Variants in PREPL observed in about 807,000 individuals in gnomAD.
PREPL encodes the protein prolyl endopeptidase like.
Under a neutral mutation model 70.6 loss-of-function variants are expected in PREPL, and 77 were observed. The observed-to-expected ratio is 1.09, with a 90% CI of 0.91 to 1.32. PREPL has a LOEUF of 1.32. PREPL is among the 40% of genes most tolerant of loss of function. The probability of loss-of-function intolerance (pLI) is 0.00; values close to 1 mark genes in which losing one functional copy is unlikely to be tolerated. For missense variants in PREPL, 1,002 were observed against 778.2 expected, an observed-to-expected ratio of 1.29 and a Z score of -3.42; for synonymous variants, 315 against 264.8, an observed-to-expected ratio of 1.19 and a Z score of -1.84.
intron 1 of PREPL, chr2:44,359,764 A>G: frequency 1.5e-6 from 2 of 1,325,370 alleles, no homozygotes; most frequent in Non-Finnish European, 1.1e-6. Context: ...CCAGCACACG[A>G]ATGATTTTAT....
At position 44,342,524 on chromosome 2, in the gene PREPL, A is replaced by G. The variant is rs764522603; in HGVS notation, c.378T>C (p.Asp126=). Residue 126 remains aspartate, a synonymous_variant, in exon 5 of 14, where the codon GAT becomes GAC. Transcript: ENST00000409411. ...TCCTCTGGAAGGTGTAGAATAAAACATCTTCATCTTCCTCGTCCTTTACCC... is the reference window on the plus strand; with the variant it reads ...TCCTCTGGAAGGTGTAGAATAAAACGTCTTCATCTTCCTCGTCCTTTACCC... ...FEWVKDEEDE[D]VLFYTFQRNL... 6.2e-7 allele frequency: 1 copy of G among 1,611,040 alleles called. No homozygotes were observed. The highest frequency in any genetic ancestry group is 1.1e-5 in the South Asian group (1 of 90,876).
At chr2:44,359,757 G>A in intron 1 of PREPL, 2 of 1,363,804 alleles carry the variant, frequency 1.5e-6, no homozygotes, top group South Asian at 1.2e-5. Flanking sequence ...GGGGCTGCCA[G>A]CACACGAATG....
intron 2 of PREPL, 78 bp from the exon 3 acceptor site, chr2:44,344,664 G>T: frequency 9.2e-7 from 1 of 1,090,792 alleles, no homozygotes; most frequent in Non-Finnish European, 1.3e-6. Context: ...AGATGAAGAT[G>T]AAATGAAGAC....
rs889171714 is a variant in PREPL, at chr2:44,317,906, C to G, written c.*3450G>C. The G allele has an allele frequency of 8.6e-6, 2 of 233,890 alleles. No individual in the cohort carries two copies. Among genetic ancestry groups the G allele is most frequent in the African/African-American group, 4.8e-5 (2 of 42,028 alleles). The allele number at this position is 233,890 out of a possible 1,614,324, so 14.5% of individuals were successfully genotyped here. On this transcript the variant is annotated 3_prime_UTR_variant, in exon 14 of 14. Coordinates refer to ENST00000409411, the MANE Select transcript of PREPL (RefSeq NM_001171613.2). The stretch of plus-strand genomic sequence containing the variant: ...AAACCACTCAGATAACAAAAACAGA[C>G]ATAAGAAACACTAACATAAAACACA...
intron 1 of PREPL, among the ~76,000 whole-genome samples, chr2:44,358,584 T>C (rs58890709): frequency 0.012 from 1,901 of 152,230 alleles, 37 homozygotes; most frequent in African/African-American, 0.044. Flanking sequence ...TTTACCATTC[T>C]AACCAGGACA....
intron 3 of PREPL, among the ~76,000 whole-genome samples, chr2:44,344,171 C>T (rs1333577407): frequency 6.6e-6 from 1 of 152,114 alleles, no homozygotes; most frequent in Non-Finnish European, 1.5e-5. Flanking sequence ...ACCTATGAGA[C>T]ATTATTTGAT....
intron 4 of PREPL, among the ~76,000 whole-genome samples, chr2:44,342,937 C>T (rs557248376): frequency 1.3e-5 from 2 of 152,092 alleles, no homozygotes; most frequent in Non-Finnish European, 2.9e-5. Context: ...ATGTGTAAAC[C>T]TTCTCTGTCT....
chr2:44,332,725 G>C (rs1196357269), intron 7 of PREPL, 69 bp from the exon 8 acceptor site: 25 of 1,275,432 alleles, frequency 2.0e-5, no homozygotes, highest in Non-Finnish European at 2.6e-5. Context: ...AAATTTCTAA[G>C]TCTTCTCCAA....
upstream of PREPL, chr2:44,361,673 GT>G (rs1677835653): frequency 3.6e-6 from 1 of 280,062 alleles, no homozygotes. Flanking sequence ...AAGACTTTTC[GT>G]TCTTCGCTAG....
chr2:44,328,948 G>C lies in PREPL; in HGVS notation c.1251C>G (p.Tyr417Ter). Residue 417 changes from tyrosine (Y) to a stop codon, truncating the protein, a stop_gained, in exon 9 of 14, where the codon TAC (tyrosine) becomes TAG (stop). Coordinates refer to ENST00000409411, the MANE Select transcript of PREPL (RefSeq NM_001171613.2). LOFTEE classifies it high-confidence loss of function. ...VLVDDGWILA[Y>*]CHVRGGGELG... ...ATATACTGACTCACCGAACATGGCAGTATGCTAATATCCATCCATCATCCA... is the reference window on the plus strand; with the variant it reads ...ATATACTGACTCACCGAACATGGCACTATGCTAATATCCATCCATCATCCA... 6.2e-7 allele frequency: 1 copy of C among 1,612,262 alleles called. No individual in the cohort carries two copies. Among genetic ancestry groups the C allele is most frequent in the Admixed American group, 1.7e-5 (1 of 59,686 alleles).
chr2:44,319,936 G>A lies in PREPL; in HGVS notation c.*1420C>T. 2.5e-6 allele frequency: 1 copy of A among 402,114 alleles called. No homozygotes were observed. Among genetic ancestry groups the A allele is most frequent in the Non-Finnish European group, 4.5e-6 (1 of 223,146 alleles). 24.9% of individuals were successfully genotyped at this position (402,114 alleles called of 1,614,324 possible). A position where few individuals can be genotyped will look rare whatever the true frequency, so the allele number is the denominator to read the frequency against. On this transcript the variant is annotated 3_prime_UTR_variant, in exon 14 of 14. Transcript: ENST00000409411. ...GGACTCCTAAAGTGGAGTCAAATTT[G>A]ATCTCTACAGAAACTCTACAATGTA...
At position 44,322,836 on chromosome 2, in the gene PREPL, T is replaced by A. The variant is rs1341895350; in HGVS notation, c.1648A>T (p.Ile550Leu). 2.5e-6 allele frequency: 4 copies of A among 1,613,622 alleles called. No individual in the cohort carries two copies. The highest frequency in any genetic ancestry group is 2.5e-6 in the Non-Finnish European group (3 of 1,179,776). ...IKPQHYPSIHITAYENDERVP... is the reference protein window; with the variant it reads ...IKPQHYPSIHLTAYENDERVP... ...CGTTCATCGTTTTCATATGCCGTTATGTGAATTGAAGGATAATGCTGAAAG... is the reference window on the plus strand; with the variant it reads ...CGTTCATCGTTTTCATATGCCGTTAAGTGAATTGAAGGATAATGCTGAAAG... Residue 550 changes from isoleucine to leucine, a missense_variant, in exon 12 of 14, where the codon ATA becomes TTA. Transcript: ENST00000409411.
chr2:44,321,454 A>C lies in PREPL; in HGVS notation c.1828-9T>G, dbSNP rs201080465. The C allele has an allele frequency of 4.1e-5, 66 of 1,609,438 alleles. No homozygotes were observed. The East Asian group carries it at 1.5e-3, about 36-fold the overall frequency. On this transcript the variant is annotated splice_polypyrimidine_tract_variant and intron_variant, in intron 13 of 13. Coordinates refer to ENST00000409411, the MANE Select transcript of PREPL (RefSeq NM_001171613.2). ...TTAATTTGGGCTGTAATCTAAAAGAAACACATTAAAAAAATTAAATAGAAG... is the reference window on the plus strand; with the variant it reads ...TTAATTTGGGCTGTAATCTAAAAGACACACATTAAAAAAATTAAATAGAAG...
Position 44,318,610 on chromosome 2 carries a change from A to G in PREPL, c.*2746T>C, listed in dbSNP as rs1572825676. 2 of 11,024 alleles carry G rather than the reference A, an allele frequency of 1.8e-4. No homozygotes were observed. Among genetic ancestry groups the G allele is most frequent in the African/African-American group, 7.7e-4 (1 of 1,302 alleles). 0.7% of individuals were successfully genotyped at this position (11,024 alleles called of 1,614,324 possible). A position where few individuals can be genotyped will look rare whatever the true frequency, so the allele number is the denominator to read the frequency against. On this transcript the variant is annotated 3_prime_UTR_variant, in exon 14 of 14. Transcript: ENST00000409411. ...AATATATAAACATATGAAATGATAC[A>G]TTCTGTGCCTATGCAAACATATGAT...
At chr2:44,344,399 A>G (rs1310795784) in intron 3 of PREPL, 121 bp downstream of exon 3, 1 of 830,146 alleles carries the variant, frequency 1.2e-6, no homozygotes, top group African/African-American at 1.8e-5. Context: ...AGTCATTAAA[A>G]AAAAATTCAG....
At chr2:44,357,166 A>G (rs1677137381) in intron 1 of PREPL, among the ~76,000 whole-genome samples, 2 of 152,206 alleles carry the variant, frequency 1.3e-5, no homozygotes, top group South Asian at 2.1e-4. Context: ...AGTCACACCA[A>G]TCGTGGCTGG....
At position 44,319,633 on chromosome 2, in the gene PREPL, GTC is replaced by G. The variant is rs1672754269; in HGVS notation, c.*1721_*1722del. On this transcript the variant is annotated 3_prime_UTR_variant, in exon 14 of 14. Transcript: ENST00000409411. ...ACACATACTATTATGGTAAAAAAAA[GTC>G]TACAATTTCTAACTTTCACCTTAGG... is the stretch of plus-strand genomic sequence containing the variant. 1 of 152,938 alleles carries G rather than the reference GTC, an allele frequency of 6.5e-6. No individual in the cohort carries two copies. The highest frequency in any genetic ancestry group is 2.4e-5 in the African/African-American group (1 of 41,404). The allele number at this position is 152,938 out of a possible 1,614,324, so 9.5% of individuals were successfully genotyped here. A position where few individuals can be genotyped will look rare whatever the true frequency, so the allele number is the denominator to read the frequency against.
intron 10 of PREPL, among the ~76,000 whole-genome samples, chr2:44,325,176 C>T (rs909886052): frequency 1.3e-5 from 2 of 152,180 alleles, no homozygotes; most frequent in South Asian, 2.1e-4. Flanking sequence ...TTCCCTGCAG[C>T]TTGGGAGTAG....
chr2:44,342,275 A>G, intron 5 of PREPL, 142 bp downstream of exon 5: 1 of 683,588 alleles, frequency 1.5e-6, no homozygotes, highest in Non-Finnish European at 2.2e-6. Flanking sequence ...TTGAATACAA[A>G]CAACTAATAA....
Sources: allele counts gnomAD v4.1 joint callset (sites outside exome capture counted in the v4.1 genomes callset), GRCh38; gene constraint gnomAD v4.1.1; transcripts MANE v1.5; gene names NCBI Gene and HGNC (gene_info 2026-07-23, HGNC 2026-07-21).